Variants in WDFY4 observed in about 807,000 individuals in gnomAD.
The protein encoded by WDFY4 is WD repeat- and FYVE domain-containing protein 4.
In WDFY4, 169 loss-of-function variants were observed where a neutral mutation model predicts 351.9. The ratio of observed to expected loss-of-function variants is 0.48; its 90% CI spans 0.42 to 0.55. The LOEUF (loss-of-function observed/expected upper bound fraction) is 0.55, where lower values mean the gene tolerates loss of function less well. Ranked by LOEUF, WDFY4 falls within the 20% of genes least tolerant of loss-of-function variation. The pLI, the probability that WDFY4 is intolerant of heterozygous loss-of-function variation, is 0.00. For missense variants in WDFY4, 3,803 were observed against 3,935.6 expected (o/e 0.97, Z 0.90); for synonymous variants, 1,622 against 1,574.6 (o/e 1.03, Z -0.71).
At chr10:48,722,392 G>A (rs751967744) in intron 4 of WDFY4, among the ~76,000 whole-genome samples, 1 of 152,198 alleles carries the variant, frequency 6.6e-6, no homozygotes, top group Non-Finnish European at 1.5e-5. Context: ...GGGGTGAGGT[G>A]GGGGAAGGAC....
rs2070647960 is a variant in WDFY4, at chr10:48,890,483, G to A, written c.7168-96G>A. 11 of 1,439,376 alleles carry A rather than the reference G, an allele frequency of 7.6e-6. No homozygotes were observed. In the South Asian group the frequency reaches 1.2e-4, roughly 15 times the overall value. 89.2% of individuals were successfully genotyped at this position (1,439,376 alleles called of 1,614,324 possible). On this transcript the variant is annotated intron_variant, in intron 43 of 61. Transcript: ENST00000325239. Reference sequence around the variant, plus strand: ...CAAGGCACTGCTCTCACCTCCAATTGCCCCATGGATGGCTGGTCACTACCC... The same window carrying A: ...CAAGGCACTGCTCTCACCTCCAATTACCCCATGGATGGCTGGTCACTACCC...
At chr10:48,893,645 C>T (rs938064555) in intron 44 of WDFY4, among the ~76,000 whole-genome samples, 6 of 152,154 alleles carry the variant, frequency 3.9e-5, no homozygotes, top group African/African-American at 7.2e-5. Flanking sequence ...TGGACTAAAT[C>T]GGGTAGAGAG....
At chr10:48,700,810 T>C (rs1477409551) in intron 1 of WDFY4, among the ~76,000 whole-genome samples, 3 of 152,272 alleles carry the variant, frequency 2.0e-5, no homozygotes, top group East Asian at 1.9e-4. Flanking sequence ...ATTATCGTTA[T>C]GATTTTATCG....
At chr10:48,794,617 C>A (rs555231883) in intron 23 of WDFY4, among the ~76,000 whole-genome samples, 2 of 151,922 alleles carry the variant, frequency 1.3e-5, no homozygotes, top group Non-Finnish European at 2.9e-5. Flanking sequence ...CCACATGGAG[C>A]TGGGAATATA....
chr10:48,939,238 A>G (rs1589954989), intron 47 of WDFY4, among the ~76,000 whole-genome samples: 1 of 152,160 alleles, frequency 6.6e-6, no homozygotes, highest in East Asian at 1.9e-4. Flanking sequence ...AGTAGAAAAG[A>G]ATCTCCCCTG....
rs1838997779 is a variant in WDFY4 at position 48,920,734 on chromosome 10, T to A, written c.7586+18871T>A. On this transcript the variant is annotated intron_variant, in intron 47 of 61. Transcript: ENST00000325239. ...AAATAAAACTGTTCTTATGCACAGA[T>A]GTCATGACTGTCCACATAGAGAATC... is the stretch of plus-strand genomic sequence containing the variant. 2.0e-5 allele frequency among the ~76,000 whole-genome samples: 3 copies of A among 152,210 alleles called. No homozygotes were observed. The South Asian group carries it at 6.2e-4, about 31-fold the overall frequency.
At chr10:48,837,437 A>G (rs1000820382) in intron 39 of WDFY4, among the ~76,000 whole-genome samples, 6 of 152,158 alleles carry the variant, frequency 3.9e-5, no homozygotes, top group Admixed American at 2.6e-4. Flanking sequence ...TATAGGTGAG[A>G]TTACAGGTGA....
chr10:48,817,422 G>A lies in WDFY4; in HGVS notation c.5505+13G>A, dbSNP rs767565768. The A allele has an allele frequency of 6.5e-6, 10 of 1,545,620 alleles. No individual in the cohort carries two copies. On this transcript the variant is annotated intron_variant, in intron 32 of 61. Coordinates refer to ENST00000325239, the MANE Select transcript of WDFY4 (RefSeq NM_001394531.1). Reference sequence around the variant, plus strand: ...GGGAGCCCAAAAGGTAGGACATGCTGCTGTCCCACCCAGAGAGAGCAGTTG... The same window carrying A: ...GGGAGCCCAAAAGGTAGGACATGCTACTGTCCCACCCAGAGAGAGCAGTTG...
chr10:48,725,361 G>C (rs2064233621), intron 5 of WDFY4, among the ~76,000 whole-genome samples: 1 of 152,154 alleles, frequency 6.6e-6, no homozygotes, highest in Non-Finnish European at 1.5e-5. Flanking sequence ...TACGGTGGTG[G>C]GATTTTATCC....
At chr10:48,860,193 C>T (rs1253021713) in intron 39 of WDFY4, among the ~76,000 whole-genome samples, 1 of 152,078 alleles carries the variant, frequency 6.6e-6, no homozygotes, top group East Asian at 1.9e-4. Context: ...GATTTCTGCT[C>T]TTTATTATGA....
At chr10:48,715,902 G>A (rs1366994373) in intron 2 of WDFY4, among the ~76,000 whole-genome samples, 1 of 151,564 alleles carries the variant, frequency 6.6e-6, no homozygotes, top group Non-Finnish European at 1.5e-5. Context: ...ACCTGCCTCG[G>A]CCTCCCAAAG....
chr10:48,913,554 A>G (rs1193227802), intron 47 of WDFY4: 1 of 1,613,614 alleles, frequency 6.2e-7, no homozygotes, highest in African/African-American at 1.3e-5. Context: ...CTTCTCCTCC[A>G]CAACATACAA....
chr10:48,980,293 C>CTTT (rs200997381), intron 60 of WDFY4, among the ~76,000 whole-genome samples: 62,513 of 151,748 alleles, frequency 0.41, 13,989 homozygotes, highest in East Asian at 0.66. Context: ...GCATGTTGTT[C>CTTT]TTACATTGCT....
intron 43 of WDFY4, among the ~76,000 whole-genome samples, chr10:48,879,534 A>G (rs1374175046): frequency 1.3e-5 from 2 of 152,254 alleles, no homozygotes; most frequent in African/African-American, 2.4e-5. Context: ...TACCACAAAC[A>G]TAGTGATTTT....
chr10:48,810,791 TG>T, intron 29 of WDFY4, 56 bp downstream of exon 29: 1 of 1,447,850 alleles, frequency 6.9e-7, no homozygotes, highest in Non-Finnish European at 9.1e-7. Context: ...GGGATGTGAA[TG>T]AGGACCAAGC....
At chr10:48,754,126 A>G (rs7916463) in intron 12 of WDFY4, among the ~76,000 whole-genome samples, 34,641 of 151,996 alleles carry the variant, frequency 0.23, 4,067 homozygotes, top group African/African-American at 0.29. Context: ...CTTGGTCATG[A>G]CATATAATCC....
intron 43 of WDFY4, among the ~76,000 whole-genome samples, chr10:48,887,743 C>T (rs545485396): frequency 1.8e-4 from 26 of 141,762 alleles, no homozygotes; most frequent in Non-Finnish European, 3.6e-4. Flanking sequence ...CTCGCCACTG[C>T]ACTCCAGCCT....
intron 39 of WDFY4, among the ~76,000 whole-genome samples, chr10:48,866,909 G>A (rs983806090): frequency 1.3e-5 from 2 of 152,060 alleles, no homozygotes; most frequent in Non-Finnish European, 2.9e-5. Context: ...TATCACTCAC[G>A]CTTGTAATCC....
Position 48,814,045 on chromosome 10 carries a change from T to C in WDFY4, c.5303T>C (p.Leu1768Ser). The stretch of plus-strand genomic sequence containing the variant: ...GCTGGGCTGTGCACAGAAGGTGCCT[T>C]GCTCCTCCTGGAAATGCTGAAGGCC... ...LQAGLCTEGALLLLEMLKATM... is the reference protein window; with the variant it reads ...LQAGLCTEGASLLLEMLKATM... The change falls in exon 31 of 62, where the codon TTG (leucine) becomes TCG (serine). Residue 1768 changes from leucine (L) to serine (S), a missense_variant. This residue lies in a region of WDFY4 where 3,054 missense variants were observed against 3,148.6 expected (regional missense o/e 0.97). Coordinates refer to ENST00000325239, the MANE Select transcript of WDFY4 (RefSeq NM_001394531.1). 1 of 1,550,204 alleles carries C rather than the reference T, an allele frequency of 6.5e-7. No individual in the cohort carries two copies. Among genetic ancestry groups the C allele is most frequent in the Non-Finnish European group, 8.7e-7 (1 of 1,146,008 alleles).
Sources: gnomAD v4.1 joint callset for allele counts (sites outside exome capture counted in the v4.1 genomes callset) on GRCh38, gnomAD v4.1.1 for gene constraint, gnomAD v4.1.1 regional missense constraint, MANE v1.5 for transcripts, NCBI Gene and HGNC (gene_info 2026-07-23, HGNC 2026-07-21) for gene names.